PFKP: variants seen among roughly 807,000 people sequenced by gnomAD.
PFKP encodes the protein ATP-dependent 6-phosphofructokinase, platelet type.
PFKP carries 101 observed loss-of-function variants against 94.3 expected under a neutral mutation model. That is an observed-to-expected ratio of 1.07 (90% CI 0.91 to 1.26). PFKP has a LOEUF of 1.26. Ranked by LOEUF, PFKP falls within the 50% of genes most tolerant of loss-of-function variation. The pLI is 0.00. For missense variants in PFKP, 1,145 were observed against 1,103.3 expected (o/e 1.04, Z -0.53); for synonymous variants, 573 against 432.6 (o/e 1.32, Z -4.03).
At chr10:3,120,369 C>CTTTGTGTGTGTGTGTGTGTGTG (rs148428194) in intron 16 of PFKP, among the ~76,000 whole-genome samples, 40 of 108,584 alleles carry the variant, frequency 3.7e-4, no homozygotes, top group African/African-American at 1.0e-3. Flanking sequence ...TTAAAAATCG[C>CTTTGTGTGTGTGTGTGTGTGTG]TGTGTGTGTG....
At chr10:3,081,721 G>C (rs1833091944) in intron 1 of PFKP, among the ~76,000 whole-genome samples, 2 of 152,158 alleles carry the variant, frequency 1.3e-5, no homozygotes, top group South Asian at 4.1e-4. Context: ...ATGATACATT[G>C]TAAGCAGACT....
intron 2 of PFKP, among the ~76,000 whole-genome samples, chr10:3,097,143 A>G (rs1834557165): frequency 6.6e-6 from 1 of 150,640 alleles, no homozygotes; most frequent in Non-Finnish European, 1.5e-5. Flanking sequence ...CTGCAACCCC[A>G]AGGCTAGGTT....
chr10:3,078,403 C>T (rs1481924850), intron 1 of PFKP, among the ~76,000 whole-genome samples: 1 of 152,202 alleles, frequency 6.6e-6, no homozygotes, highest in Non-Finnish European at 1.5e-5. Flanking sequence ...CCTGGGGCTT[C>T]CTCAGGTTTC....
chr10:3,091,156 G>A (rs1349869170), intron 2 of PFKP, among the ~76,000 whole-genome samples: 2 of 152,160 alleles, frequency 1.3e-5, no homozygotes, highest in Non-Finnish European at 2.9e-5. Context: ...GACTCGGGGA[G>A]GGTTTGCCAG....
At chr10:3,079,110 G>C (rs1832818910) in intron 1 of PFKP, among the ~76,000 whole-genome samples, 1 of 152,214 alleles carries the variant, frequency 6.6e-6, no homozygotes, top group African/African-American at 2.4e-5. Context: ...GTTCTTTCCA[G>C]GTGGGTGCAG....
In PFKP at chr10:3,076,884, A is replaced by T. The variant is rs148916869; in HGVS notation, c.113-5504A>T. ...CCCAGTTCGATGACTTTGAACTGGC[A>T]GGGGTGGGGAGGGAACAGCACCTTG... On this transcript the variant is annotated intron_variant, in intron 1 of 21. Coordinates refer to ENST00000381125, the MANE Select transcript of PFKP (RefSeq NM_002627.5). Among the ~76,000 whole-genome samples the T allele has an allele frequency of 4.9e-3, 749 of 152,216 alleles. 11 individuals are homozygous for T. The highest frequency in any genetic ancestry group is 0.018 in the African/African-American group (727 of 41,520).
intron 2 of PFKP, among the ~76,000 whole-genome samples, 165 bp from the exon 3 acceptor site, chr10:3,099,110 C>G (rs1449657818): frequency 3.3e-5 from 5 of 152,220 alleles, no homozygotes; most frequent in Non-Finnish European, 7.3e-5. Context: ...GACTTTCCCA[C>G]AATTCACTGC....
intron 16 of PFKP, 26 bp downstream of exon 16, chr10:3,120,070 C>CG: frequency 1.2e-6 from 2 of 1,609,912 alleles, no homozygotes; most frequent in Non-Finnish European, 1.7e-6. Flanking sequence ...CCCTGCCAGG[C>CG]GGGCGCCGGC....
At position 3,133,285 on chromosome 10, in the gene PFKP, A is replaced by G; in HGVS notation, c.1993A>G (p.Arg665Gly). The change falls in exon 19 of 22, where the codon AGG becomes GGG. Residue 665 changes from arginine to glycine, a missense_variant. This residue lies in a region of PFKP where 1,119 missense variants were observed against 1,062.8 expected (regional missense o/e 1.05). Transcript: ENST00000381125. ...SEEGKGVFDC[R>G]KNVLGHMQQG... ...AGAGGGCAAAGGCGTGTTTGACTGC[A>G]GGAAGAACGTGCTGGGTCACATGCA... The G allele has an allele frequency of 6.2e-7, 1 of 1,613,798 alleles. No individual in the cohort carries two copies. The highest frequency in any genetic ancestry group is 8.5e-7 in the Non-Finnish European group (1 of 1,179,622).
intron 2 of PFKP, among the ~76,000 whole-genome samples, chr10:3,087,724 A>G (rs1833709038): frequency 6.6e-6 from 1 of 152,060 alleles, no homozygotes; most frequent in Non-Finnish European, 1.5e-5. Flanking sequence ...TTTGAGCCCA[A>G]ATTTCCTCTC....
At chr10:3,107,883 C>G (rs1835793586) in intron 8 of PFKP, 1 of 1,289,044 alleles carries the variant, frequency 7.8e-7, no homozygotes, top group Non-Finnish European at 1.0e-6. Context: ...GGCTGTGCCC[C>G]TGCTGTAGAC....
chr10:3,125,611 A>G (rs1375845084), intron 16 of PFKP, among the ~76,000 whole-genome samples: 1 of 152,172 alleles, frequency 6.6e-6, no homozygotes, highest in Non-Finnish European at 1.5e-5. Flanking sequence ...AATGCCCGGT[A>G]AGTACGAGCT....
At chr10:3,101,967 T>C (rs1835032985) in intron 4 of PFKP, among the ~76,000 whole-genome samples, 1 of 152,184 alleles carries the variant, frequency 6.6e-6, no homozygotes, top group Admixed American at 6.5e-5. Flanking sequence ...AAAACTGAAG[T>C]TGGGCCGGGC....
intron 7 of PFKP, 45 bp from the exon 8 acceptor site, chr10:3,107,169 G>A (rs773596096): frequency 8.3e-7 from 1 of 1,198,972 alleles, no homozygotes; most frequent in Admixed American, 1.7e-5. Context: ...TTGTTGCTAA[G>A]AACAGGATTA....
chr10:3,072,281 G>C (rs1832254004), intron 1 of PFKP, among the ~76,000 whole-genome samples: 1 of 152,220 alleles, frequency 6.6e-6, no homozygotes, highest in Non-Finnish European at 1.5e-5. Flanking sequence ...CCATTGGCTG[G>C]ACGTGCATTA....
intron 16 of PFKP, among the ~76,000 whole-genome samples, chr10:3,126,646 C>T (rs1468898865): frequency 6.6e-6 from 1 of 152,264 alleles, no homozygotes; most frequent in Non-Finnish European, 1.5e-5. Flanking sequence ...GGCCTCCCTG[C>T]AGATTCACAG....
intron 16 of PFKP, among the ~76,000 whole-genome samples, chr10:3,120,908 A>C (rs1371320837): frequency 1.3e-5 from 2 of 151,936 alleles, no homozygotes; most frequent in Non-Finnish European, 2.9e-5. Context: ...CCTAACACAG[A>C]AAGCATTTCA....
intron 11 of PFKP, among the ~76,000 whole-genome samples, chr10:3,112,599 C>T (rs1170925685): frequency 6.6e-6 from 1 of 152,216 alleles, no homozygotes; most frequent in Non-Finnish European, 1.5e-5. Flanking sequence ...CTTCTGTTGC[C>T]TAGGCTAAAG....
intron 2 of PFKP, among the ~76,000 whole-genome samples, chr10:3,093,638 CTTTTTTTTTTT>C (rs765547765): frequency 3.2e-5 from 3 of 94,056 alleles, no homozygotes; most frequent in Non-Finnish European, 5.8e-5. Context: ...CAAGCATTAT[CTTTTTTTTTTT>C]TTTTTTTTTT....
Sources: gnomAD v4.1 joint callset for allele counts (sites outside exome capture counted in the v4.1 genomes callset) on GRCh38, gnomAD v4.1.1 for gene constraint, gnomAD v4.1.1 regional missense constraint, MANE v1.5 for transcripts, NCBI Gene and HGNC (gene_info 2026-07-23, HGNC 2026-07-21) for gene names.